Variants in USP10 observed in about 807,000 individuals in gnomAD.
USP10 encodes ubiquitin carboxyl-terminal hydrolase 10.
USP10 carries 22 observed loss-of-function variants against 84.5 expected under a neutral mutation model. The observed-to-expected ratio is 0.26, with a 90% CI of 0.19 to 0.37. USP10 has a LOEUF of 0.37. USP10 is among the 10% of genes least tolerant of loss of function. The probability of loss-of-function intolerance (pLI) is 1.00; values close to 1 mark genes in which losing one functional copy is unlikely to be tolerated. For synonymous variants in USP10, 454 were observed against 387.6 expected (o/e 1.17, Z -2.01); for missense variants, 1,019 against 998.9 (o/e 1.02, Z -0.27).
rs1913521913 is a variant in USP10, at chr16:84,763,974, G to C, written c.1655-112G>C. 5.1e-6 allele frequency: 7 copies of C among 1,364,672 alleles called. No individual in the cohort carries two copies. The South Asian group carries it at 9.3e-5, about 18-fold the overall frequency. 84.5% of individuals were successfully genotyped at this position (1,364,672 alleles called of 1,614,324 possible). On this transcript the variant is annotated intron_variant, in intron 9 of 13. Transcript: ENST00000219473. ...GCGATTGGTTGCCGTGGCTCCTAATGTAGACCACACCCTGATTTCATTTTT... is the reference window on the plus strand; with the variant it reads ...GCGATTGGTTGCCGTGGCTCCTAATCTAGACCACACCCTGATTTCATTTTT...
At chr16:84,710,324 T>G (rs1906113890) in intron 1 of USP10, among the ~76,000 whole-genome samples, 1 of 151,900 alleles carries the variant, frequency 6.6e-6, no homozygotes, top group South Asian at 2.1e-4. Flanking sequence ...GGGGTCTTAC[T>G]TAGATGCTTC....
intron 2 of USP10, among the ~76,000 whole-genome samples, chr16:84,736,706 A>G (rs1195533445): frequency 6.6e-6 from 1 of 152,182 alleles, no homozygotes; most frequent in African/African-American, 2.4e-5. Context: ...CCCCGATGAC[A>G]TAGTGTTGGC....
At chr16:84,711,382 G>A (rs1906268611) in intron 1 of USP10, among the ~76,000 whole-genome samples, 1 of 152,168 alleles carries the variant, frequency 6.6e-6, no homozygotes, top group Admixed American at 6.5e-5. Flanking sequence ...ACAGCTCAGT[G>A]TAACTGTGAG....
At position 84,714,958 on chromosome 16, in the gene USP10, C is replaced by G. The variant is rs1343125125; in HGVS notation, c.21+14847C>G. On this transcript the variant is annotated intron_variant, in intron 1 of 13. Transcript: ENST00000219473. ...TTATTTTTTTTTTTTGAGATGGAGT[C>G]TTGCTCTGTCGCCCAGGCTGGAGTG... Among the ~76,000 whole-genome samples the G allele has an allele frequency of 3.5e-5, 5 of 144,864 alleles. No individual in the cohort carries two copies. In the Admixed American group the frequency reaches 3.5e-4, roughly 10 times the overall value.
rs140829930 is a variant in USP10 at position 84,757,721 on chromosome 16, G to C, written c.1193-995G>C. 6.6e-3 allele frequency among the ~76,000 whole-genome samples: 999 copies of C among 152,134 alleles called. 11 individuals carry two copies. The highest frequency in any genetic ancestry group is 0.01 in the Non-Finnish European group (701 of 68,000). ...ATTAGTATACAATTTAAAAGTAAAG[G>C]AGACAGTGTGGATTGGCTGCAGATT... On this transcript the variant is annotated intron_variant, in intron 4 of 13. Transcript: ENST00000219473.
chr16:84,738,201 C>T (rs1179630204), intron 2 of USP10, among the ~76,000 whole-genome samples: 1 of 152,108 alleles, frequency 6.6e-6, no homozygotes, highest in East Asian at 1.9e-4. Flanking sequence ...CTCTCTTCCC[C>T]GAGCAGAACA....
chr16:84,757,395 GGGTGGGGGTGTGTGTGTGTGT>G (rs997554751), intron 4 of USP10, among the ~76,000 whole-genome samples: 11 of 82,522 alleles, frequency 1.3e-4, no homozygotes, highest in East Asian at 5.6e-4. Context: ...GGAATGAGAG[GGGTGGGGGTGTGTGTGTGTGT>G]GTGTGTGTGT....
chr16:84,743,458 AT>A (rs973251711), intron 3 of USP10, among the ~76,000 whole-genome samples: 1 of 152,172 alleles, frequency 6.6e-6, no homozygotes, highest in Non-Finnish European at 1.5e-5. Context: ...CTACAAAAAG[AT>A]TTCTAGGGGT....
intron 4 of USP10, among the ~76,000 whole-genome samples, chr16:84,754,698 T>A (rs1285663275): frequency 6.6e-6 from 1 of 152,224 alleles, no homozygotes; most frequent in Non-Finnish European, 1.5e-5. Flanking sequence ...AACTAAAGGT[T>A]TCTGTCTGAC....
chr16:84,772,690 T>C lies in USP10; in HGVS notation c.2143+5T>C. 3.7e-6 allele frequency: 6 copies of C among 1,613,964 alleles called. No individual in the cohort carries two copies. Among genetic ancestry groups the C allele is most frequent in the Non-Finnish European group, 5.1e-6 (6 of 1,179,870 alleles). The stretch of plus-strand genomic sequence containing the variant: ...TGGACTTGGAAATTAGTAAAGGTAA[T>C]GCATACATAAGGTCGGGAGTGTTCG... On this transcript the variant is annotated splice_donor_5th_base_variant and intron_variant, in intron 12 of 13. Transcript: ENST00000219473.
At chr16:84,759,767 A>T (rs150616871) in intron 6 of USP10, 124 bp from the exon 7 acceptor site, 1 of 996,564 alleles carries the variant, frequency 1.0e-6, no homozygotes, top group Non-Finnish European at 1.5e-6. Context: ...TAGCTGTTAC[A>T]GCATTGGTTA....
At position 84,759,942 on chromosome 16, in the gene USP10, A is replaced by G; in HGVS notation, c.1446A>G (p.Arg482=). The G allele has an allele frequency of 6.2e-7, 1 of 1,613,996 alleles. No homozygotes were observed. Among genetic ancestry groups the G allele is most frequent in the Non-Finnish European group, 8.5e-7 (1 of 1,179,870 alleles). The change falls in exon 7 of 14, where the codon CGA becomes CGG. Residue 482 remains arginine (R), a synonymous_variant. Transcript: ENST00000219473. ...ATATGCCAGTACCTCCAAAACCCCGACAAGGTTAGTAAAAATGAGTTTTGT... is the reference window on the plus strand; with the variant it reads ...ATATGCCAGTACCTCCAAAACCCCGGCAAGGTTAGTAAAAATGAGTTTTGT... ...FTNMPVPPKP[R]QALGDKIVRD... is the part of the protein sequence containing the mutation.
In USP10 at chr16:84,744,789, G is replaced by A. The variant is rs369659891; in HGVS notation, c.308G>A (p.Gly103Asp). 92 of 1,613,530 alleles carry A rather than the reference G, an allele frequency of 5.7e-5. No individual in the cohort carries two copies. The highest frequency in any genetic ancestry group is 7.5e-5 in the Non-Finnish European group (88 of 1,179,714). The change falls in exon 4 of 14, where the codon GGT (glycine) becomes GAT (aspartate). Residue 103 changes from glycine (G) to aspartate (D), a missense_variant. This residue lies in a region of USP10 where 787 missense variants were observed against 708.8 expected (regional missense o/e 1.11). Transcript: ENST00000219473. Reference protein sequence around the residue: ...GCTASKITPDGITKEASYGSI... With the variant: ...GCTASKITPDDITKEASYGSI... ...ACAGCTTCCAAAATAACCCCTGATG[G>A]TATCACTAAAGAAGCAAGCTATGGC... is the stretch of plus-strand genomic sequence containing the variant.
intron 2 of USP10, among the ~76,000 whole-genome samples, chr16:84,739,491 T>G (rs1001468852): frequency 6.6e-6 from 1 of 152,112 alleles, no homozygotes; most frequent in African/African-American, 2.4e-5. Context: ...CAGACTGGTC[T>G]AGAACTCCTG....
At chr16:84,716,848 G>T (rs541509621) in intron 1 of USP10, among the ~76,000 whole-genome samples, 13 of 152,284 alleles carry the variant, frequency 8.5e-5, no homozygotes, top group Non-Finnish European at 1.5e-4. Context: ...ACTTATCCCA[G>T]CATAATTCAT....
intron 1 of USP10, among the ~76,000 whole-genome samples, chr16:84,710,104 T>C (rs1319202789): frequency 6.6e-6 from 1 of 152,038 alleles, no homozygotes; most frequent in African/African-American, 2.4e-5. Flanking sequence ...ACCCCATCTC[T>C]ACTAAAAATA....
chr16:84,704,229 G>C (rs1388823220), intron 1 of USP10, among the ~76,000 whole-genome samples: 1 of 152,180 alleles, frequency 6.6e-6, no homozygotes, highest in Non-Finnish European at 1.5e-5. Context: ...AATGGTTCCT[G>C]GTATTCAGGT....
rs1165020430 is a variant in USP10, at chr16:84,710,811, C to T, written c.21+10700C>T. Among the ~76,000 whole-genome samples the T allele has an allele frequency of 2.6e-5, 4 of 152,154 alleles. No individual in the cohort carries two copies. In the South Asian group the frequency reaches 8.3e-4, roughly 32 times the overall value. Reference sequence around the variant, plus strand: ...CACCAAGAGACACTGAGTAAGGATCCCTGTGAGCAGGTCCCCAGGCCGTCT... The same window carrying T: ...CACCAAGAGACACTGAGTAAGGATCTCTGTGAGCAGGTCCCCAGGCCGTCT... On this transcript the variant is annotated intron_variant, in intron 1 of 13. Transcript: ENST00000219473.
rs148589496 is a variant in USP10, at chr16:84,733,782, C to G, written c.90+279C>G. Among the ~76,000 whole-genome samples the G allele has an allele frequency of 1.5e-3, 235 of 152,334 alleles. 1 individual carries two copies. Among genetic ancestry groups the G allele is most frequent in the African/African-American group, 5.4e-3 (224 of 41,580 alleles). Reference sequence around the variant, plus strand: ...CCATCTCTCCCCAGAAGTAACTACTCTGCTGAAATTGGGAAATATTGGTCC... The same window carrying G: ...CCATCTCTCCCCAGAAGTAACTACTGTGCTGAAATTGGGAAATATTGGTCC... On this transcript the variant is annotated intron_variant, in intron 2 of 13. Coordinates refer to ENST00000219473, the MANE Select transcript of USP10 (RefSeq NM_005153.3).
Sources: gnomAD v4.1 joint callset for allele counts (sites outside exome capture counted in the v4.1 genomes callset) on GRCh38, gnomAD v4.1.1 for gene constraint, gnomAD v4.1.1 regional missense constraint, MANE v1.5 for transcripts, NCBI Gene and HGNC (gene_info 2026-07-23, HGNC 2026-07-21) for gene names.